Variants in PARP12 observed in about 807,000 individuals in gnomAD.
The protein encoded by PARP12 is protein mono-ADP-ribosyltransferase PARP12.
PARP12 carries 59 observed loss-of-function variants against 72.4 expected under a neutral mutation model. The ratio of observed to expected loss-of-function variants is 0.81; its 90% confidence interval spans 0.66 to 1.01. The LOEUF is 1.01. Ranked by LOEUF, PARP12 falls within the 50% of genes least tolerant of loss-of-function variation. PARP12 has a pLI of 0.00. For missense variants in PARP12, 851 were observed against 914.0 expected (o/e 0.93, Z 0.89); for synonymous variants, 403 against 371.4 (o/e 1.09, Z -0.98).
rs978426821 is a variant in PARP12 at position 140,034,218 on chromosome 7, C to T, written c.1421+17G>A. 6.2e-7 allele frequency: 1 copy of T among 1,609,740 alleles called. No individual in the cohort carries two copies. The highest frequency in any genetic ancestry group is 1.7e-5 in the Admixed American group (1 of 59,854). On this transcript the variant is annotated intron_variant, in intron 8 of 11. Transcript: ENST00000263549. ...GCTGATTACATCCTAAGTACCAAGC[C>T]CCCCACTGCAACCTACCAGGTTTGC...
At position 140,039,195 on chromosome 7, in the gene PARP12, G is replaced by A. The variant is rs542124273; in HGVS notation, c.1183-1339C>T. 9.8e-4 allele frequency among the ~76,000 whole-genome samples: 149 copies of A among 152,312 alleles called. 1 individual carries two copies. Among genetic ancestry groups the A allele is most frequent in the African/African-American group, 3.3e-3 (138 of 41,556 alleles). On this transcript the variant is annotated intron_variant, in intron 6 of 11. Coordinates refer to ENST00000263549, the MANE Select transcript of PARP12 (RefSeq NM_022750.4). ...AAACCAAGCCATTAGACTAGAGTCC[G>A]GGAGGAAGAGGATGTGGCATAAAAA...
intron 4 of PARP12, among the ~76,000 whole-genome samples, chr7:140,052,399 C>T (rs538504748): frequency 1.3e-5 from 2 of 152,136 alleles, no homozygotes; most frequent in Non-Finnish European, 2.9e-5. Context: ...TCTCTCATCC[C>T]TTCTTAAAAT....
chr7:140,046,915 CAAT>C lies in PARP12; in HGVS notation c.952_954del (p.Ile318del). 1.2e-6 allele frequency: 2 copies of C among 1,613,834 alleles called. 1 individual carries two copies. Among genetic ancestry groups the C allele is most frequent in the Non-Finnish European group, 1.7e-6 (2 of 1,179,948 alleles). On this transcript the variant is annotated inframe_deletion, in exon 5 of 12. Coordinates refer to ENST00000263549, the MANE Select transcript of PARP12 (RefSeq NM_022750.4). ...ATTTTGGGATTGCAATATGCCTCTT[CAAT>C]AAGTTCCATGTTGTCCAAATCCTCC...
intron 8 of PARP12, 194 bp downstream of exon 8, chr7:140,034,041 A>T: frequency 8.0e-7 from 1 of 1,245,758 alleles, no homozygotes; most frequent in East Asian, 4.0e-5. Context: ...ATTATGCATC[A>T]CGAAGCTTCT....
chr7:140,057,211 C>T, intron 2 of PARP12, 58 bp from the exon 3 acceptor site: 1 of 1,501,526 alleles, frequency 6.7e-7, no homozygotes, highest in Non-Finnish European at 9.0e-7. Flanking sequence ...GACACCACCT[C>T]CCCAGTGGCC....
At chr7:140,040,367 A>C (rs1321264144) in intron 6 of PARP12, among the ~76,000 whole-genome samples, 1 of 152,218 alleles carries the variant, frequency 6.6e-6, no homozygotes, top group South Asian at 2.1e-4. Context: ...GGCAGGGCAG[A>C]GCAGCAAGCA....
chr7:140,024,782 G>C lies in PARP12; in HGVS notation c.1884C>G (p.Val628=). The C allele has an allele frequency of 1.2e-6, 2 of 1,614,218 alleles. No homozygotes were observed. Among genetic ancestry groups the C allele is most frequent in the Non-Finnish European group, 1.7e-6 (2 of 1,180,034 alleles). The change falls in exon 12 of 12, where the codon GTC becomes GTG. Residue 628 remains valine, a synonymous_variant. Transcript: ENST00000263549. ...FLARVLVGEF[V]RGNASFVRPP... ...GACGGACAAAGGAGGCATTGCCCCTGACGAACTCGCCCACCAGCACCCGGG... is the reference window on the plus strand; with the variant it reads ...GACGGACAAAGGAGGCATTGCCCCTCACGAACTCGCCCACCAGCACCCGGG...
At chr7:140,054,850 A>G (rs1177774244) in intron 3 of PARP12, 87 bp from the exon 4 acceptor site, 12 of 1,171,862 alleles carry the variant, frequency 1.0e-5, no homozygotes, top group Middle Eastern at 1.9e-4. Context: ...TCTCTGCACA[A>G]AAGTGGGCAA....
Position 140,056,844 on chromosome 7 carries a change from C to G in PARP12, c.760+12G>C, listed in dbSNP as rs1817199410. The G allele has an allele frequency of 1.3e-6, 2 of 1,590,616 alleles. No individual in the cohort carries two copies. Among genetic ancestry groups the G allele is most frequent in the East Asian group, 4.5e-5 (2 of 44,690 alleles). ...GCTCCCCACCAGCCTTACCACTCCC[C>G]ACCAGCCTTACCAGAAGTCCCCTGT... On this transcript the variant is annotated intron_variant, in intron 3 of 11. Transcript: ENST00000263549.
chr7:140,046,166 G>T (rs1816714795), intron 5 of PARP12, among the ~76,000 whole-genome samples: 2 of 152,214 alleles, frequency 1.3e-5, no homozygotes, highest in South Asian at 4.1e-4. Context: ...GGTGGTATGT[G>T]AACCATTTAA....
At chr7:140,041,947 G>T in intron 5 of PARP12, 108 bp from the exon 6 acceptor site, 1 of 950,390 alleles carries the variant, frequency 1.1e-6, no homozygotes, top group South Asian at 1.7e-5. Context: ...AATGTGGCAT[G>T]CACATTTTAG....
chr7:140,028,331 A>C (rs1285841277), intron 9 of PARP12, among the ~76,000 whole-genome samples: 2 of 152,022 alleles, frequency 1.3e-5, no homozygotes, highest in African/African-American at 4.8e-5. Context: ...CCCAGCCCAT[A>C]AACTCATTTC....
chr7:140,028,341 C>A (rs1031430863), intron 9 of PARP12, among the ~76,000 whole-genome samples: 2 of 152,176 alleles, frequency 1.3e-5, no homozygotes, highest in African/African-American at 4.8e-5. Context: ...AAACTCATTT[C>A]TGCCCTTTCT....
chr7:140,027,589 T>C (rs765133264), intron 9 of PARP12, 183 bp from the exon 10 acceptor site: 11 of 589,680 alleles, frequency 1.9e-5, no homozygotes, highest in Middle Eastern at 4.7e-4. Flanking sequence ...ATGTCATTGA[T>C]AGGTTCTTGG....
chr7:140,043,203 G>C (rs1049776171), intron 5 of PARP12, among the ~76,000 whole-genome samples: 3 of 151,962 alleles, frequency 2.0e-5, no homozygotes, highest in Non-Finnish European at 4.4e-5. Flanking sequence ...CAAAAAAAAA[G>C]AATTTCCAAA....
chr7:140,034,108 T>C (rs1816050366), intron 8 of PARP12, 127 bp downstream of exon 8: 1 of 1,398,856 alleles, frequency 7.1e-7, no homozygotes, highest in East Asian at 2.9e-5. Context: ...GATAACAGAG[T>C]GTGGGAGCAC....
In PARP12 at chr7:140,058,929, C is replaced by A. The variant is rs562520148; in HGVS notation, c.327-895G>T. ...TGGCCAACATGAAGAAAACCTGTATCTACTAAAAATACAAAATTAGCCGGG... is the reference window on the plus strand; with the variant it reads ...TGGCCAACATGAAGAAAACCTGTATATACTAAAAATACAAAATTAGCCGGG... On this transcript the variant is annotated intron_variant, in intron 1 of 11. Transcript: ENST00000263549. Among the ~76,000 whole-genome samples the A allele has an allele frequency of 2.0e-5, 3 of 151,948 alleles. No homozygotes were observed. In the East Asian group the frequency reaches 5.8e-4, roughly 30 times the overall value.
At chr7:140,024,974 A>T in intron 11 of PARP12, 89 bp from the exon 12 acceptor site, 5 of 1,207,396 alleles carry the variant, frequency 4.1e-6, no homozygotes, top group African/African-American at 1.5e-5. Context: ...GTGATGTGCA[A>T]CGCCAGGGCC....
In PARP12 at chr7:140,034,258, C is replaced by T. The variant is rs756411817; in HGVS notation, c.1398G>A (p.Gln466=). The part of the protein sequence containing the change: ...VCRRPKYVSP[Q]DVTTMQTCNT... Reference sequence around the variant, plus strand: ...ACCAGGTTTGCATGGTCGTCACATCCTGGGGAGACACGTATTTGGGTCTGC... The same window carrying T: ...ACCAGGTTTGCATGGTCGTCACATCTTGGGGAGACACGTATTTGGGTCTGC... Residue 466 remains glutamine, a synonymous_variant, in exon 8 of 12, where the codon CAG becomes CAA. Transcript: ENST00000263549. The T allele has an allele frequency of 6.2e-7, 1 of 1,613,200 alleles. No individual in the cohort carries two copies. The highest frequency in any genetic ancestry group is 8.5e-7 in the Non-Finnish European group (1 of 1,179,456).
Sources: gnomAD v4.1 joint callset for allele counts (sites outside exome capture counted in the v4.1 genomes callset) on GRCh38, gnomAD v4.1.1 for gene constraint, MANE v1.5 for transcripts, NCBI Gene and HGNC (gene_info 2026-07-23, HGNC 2026-07-21) for gene names.